The following EMC7 variants were observed in gnomAD, a reference collection of about 807,000 sequenced individuals.
EMC7 encodes the protein ER membrane protein complex subunit 7.
Under a neutral mutation model 24.4 loss-of-function variants are expected in EMC7, and 4 were observed. That is an observed-to-expected ratio of 0.16 (90% CI 0.08 to 0.38). The LOEUF is 0.38. Ranked by LOEUF, EMC7 falls within the 10% of genes least tolerant of loss-of-function variation. The pLI is 1.00. For synonymous variants in EMC7, 106 were observed against 112.0 expected (o/e 0.95, Z 0.34); for missense variants, 221 against 300.6 (o/e 0.74, Z 1.96).
At chr15:34,099,906 T>G (rs1247510080) in intron 1 of EMC7, among the ~76,000 whole-genome samples, 3 of 152,202 alleles carry the variant, frequency 2.0e-5, no homozygotes, top group Non-Finnish European at 4.4e-5. Context: ...CTGGAAATTC[T>G]CCATCAACCT....
chr15:34,096,815 C>T (rs1901075749), intron 1 of EMC7, among the ~76,000 whole-genome samples: 1 of 151,504 alleles, frequency 6.6e-6, no homozygotes, highest in East Asian at 2.0e-4. Context: ...TGGAGAAACC[C>T]CATCTCTACT....
chr15:34,100,035 T>C (rs1338233861), intron 1 of EMC7, among the ~76,000 whole-genome samples: 1 of 152,226 alleles, frequency 6.6e-6, no homozygotes, highest in East Asian at 1.9e-4. Flanking sequence ...CTAAGTCATA[T>C]GATTCCAAAA....
chr15:34,099,950 CA>C (rs1901149206), intron 1 of EMC7, among the ~76,000 whole-genome samples: 1 of 152,170 alleles, frequency 6.6e-6, no homozygotes, highest in Non-Finnish European at 1.5e-5. Flanking sequence ...GAAATGGTAT[CA>C]AAAGCTGTTC....
chr15:34,084,790 C>T (rs1900850198), intron 4 of EMC7, among the ~76,000 whole-genome samples: 1 of 150,702 alleles, frequency 6.6e-6, no homozygotes, highest in Non-Finnish European at 1.5e-5. Context: ...TACATGTGCA[C>T]AACGTGCAGG....
rs1278459096 is a variant in EMC7 at position 34,095,935 on chromosome 15, C to G, written c.316G>C (p.Asp106His). 6.2e-7 allele frequency: 1 copy of G among 1,610,532 alleles called. No individual in the cohort carries two copies. Among genetic ancestry groups the G allele is most frequent in the Admixed American group, 1.7e-5 (1 of 59,982 alleles). The change falls in exon 2 of 5, where the codon GAT becomes CAT. Residue 106 changes from aspartate (D) to histidine (H), a missense_variant. Coordinates refer to ENST00000256545, the MANE Select transcript of EMC7 (RefSeq NM_020154.3). ...VEVVSPAYRF[D>H]PVRVDITSKG... is the part of the protein sequence containing the mutation. ...GAAGTGATATCCACTCGAACGGGAT[C>G]AAATCTGTAAGCTGGAGATACAACT...
chr15:34,093,803 A>ACACACACG (rs760052605), intron 2 of EMC7, among the ~76,000 whole-genome samples: 62 of 31,036 alleles, frequency 2.0e-3, no homozygotes, highest in African/African-American at 2.4e-3. Context: ...ACACACACAC[A>ACACACACG]CACATATATA....
intron 1 of EMC7, among the ~76,000 whole-genome samples, chr15:34,096,802 A>C (rs1186071218): frequency 3.3e-5 from 5 of 151,362 alleles, no homozygotes; most frequent in Admixed American, 3.3e-4. Flanking sequence ...AGCCTGACCA[A>C]CATGGAGAAA....
At position 34,090,203 on chromosome 15, in the gene EMC7, T is replaced by C. The variant is rs142173787; in HGVS notation, c.495+114A>G. Reference sequence around the variant, plus strand: ...GAAATCTGCAAATTATTCACAATTATCCTTTCATCCACCAATCTGACCTCA... The same window carrying C: ...GAAATCTGCAAATTATTCACAATTACCCTTTCATCCACCAATCTGACCTCA... On this transcript the variant is annotated intron_variant, in intron 3 of 4. Coordinates refer to ENST00000256545, the MANE Select transcript of EMC7 (RefSeq NM_020154.3). 127 of 1,051,632 alleles carry C rather than the reference T, an allele frequency of 1.2e-4. No homozygotes were observed. In the African/African-American group the frequency reaches 1.7e-3, roughly 14 times the overall value. The allele number at this position is 1,051,632 out of a possible 1,614,324, so 65.1% of individuals were successfully genotyped here.
chr15:34,095,485 G>A (rs1901050219), intron 2 of EMC7, among the ~76,000 whole-genome samples: 1 of 152,120 alleles, frequency 6.6e-6, no homozygotes, highest in Admixed American at 6.6e-5. Flanking sequence ...GAAATTTCCA[G>A]ATCAATGAAG....
At chr15:34,087,004 ATTTC>A (rs1188288677) in intron 4 of EMC7, among the ~76,000 whole-genome samples, 5 of 152,138 alleles carry the variant, frequency 3.3e-5, no homozygotes, top group Admixed American at 1.3e-4. Context: ...TATTTACCTT[ATTTC>A]TTTAAGAAAT....
At chr15:34,093,823 A>ATATATATATATTTTTTTTTTTT (rs1190830993) in intron 2 of EMC7, among the ~76,000 whole-genome samples, 2 of 48,706 alleles carry the variant, frequency 4.1e-5, no homozygotes, top group African/African-American at 2.2e-4. Context: ...ATATATATAT[A>ATATATATATATTTTTTTTTTTT]TTTTTTTTTT....
chr15:34,097,313 G>A (rs1013437695), intron 1 of EMC7, among the ~76,000 whole-genome samples: 2 of 152,118 alleles, frequency 1.3e-5, no homozygotes, highest in Non-Finnish European at 2.9e-5. Flanking sequence ...GATTACAGGC[G>A]TGAGCCACTG....
intron 1 of EMC7, among the ~76,000 whole-genome samples, chr15:34,098,751 G>A (rs1014851470): frequency 2.6e-5 from 4 of 150,950 alleles, no homozygotes; most frequent in African/African-American, 9.8e-5. Context: ...TTACAGGTAT[G>A]AGCCACCGTA....
At chr15:34,088,209 CA>C in intron 3 of EMC7, 76 bp from the exon 4 acceptor site, 3 of 1,226,202 alleles carry the variant, frequency 2.4e-6, no homozygotes. Flanking sequence ...ACTTAACAAC[CA>C]ATGGTAAAAT....
Position 34,084,519 on chromosome 15 carries a change from A to C in EMC7, c.577-33T>G, listed in dbSNP as rs146145986. ...AAGACAAGGCACAATGATATGTAGG[A>C]TCCTTCGAGTCTTTTAACTCCTAAC... On this transcript the variant is annotated intron_variant, in intron 4 of 4. Transcript: ENST00000256545. 528 of 1,594,436 alleles carry C rather than the reference A, an allele frequency of 3.3e-4. 2 individuals are homozygous for C. The African/African-American group carries it at 6.5e-3, about 20-fold the overall frequency.
At chr15:34,091,750 A>T (rs1405119498) in intron 2 of EMC7, among the ~76,000 whole-genome samples, 2 of 152,144 alleles carry the variant, frequency 1.3e-5, no homozygotes, top group Non-Finnish European at 2.9e-5. Flanking sequence ...TTGCTAATTA[A>T]ATCTAAGCCT....
chr15:34,101,159 G>T (rs978100379), intron 1 of EMC7: 4 of 154,052 alleles, frequency 2.6e-5, no homozygotes, highest in African/African-American at 9.7e-5. Context: ...AGCCCTTTGG[G>T]TTTTGAGAAT....
At chr15:34,093,824 T>TATA (rs57320225) in intron 2 of EMC7, among the ~76,000 whole-genome samples, 8 of 17,668 alleles carry the variant, frequency 4.5e-4, no homozygotes, top group Non-Finnish European at 7.6e-4. Flanking sequence ...TATATATATA[T>TATA]TTTTTTTTTT....
At chr15:34,088,159 T>C in intron 3 of EMC7, 26 bp from the exon 4 acceptor site, 1 of 1,580,432 alleles carries the variant, frequency 6.3e-7, no homozygotes, top group Non-Finnish European at 8.6e-7. Context: ...ATCCAGAAAA[T>C]GTTTTTCCCC....
Sources: allele counts gnomAD v4.1 joint callset (sites outside exome capture counted in the v4.1 genomes callset), GRCh38; gene constraint gnomAD v4.1.1; transcripts MANE v1.5; gene names NCBI Gene and HGNC (gene_info 2026-07-23, HGNC 2026-07-21).